ZFPM2: variants seen among roughly 807,000 people sequenced by gnomAD.
ZFPM2 encodes the protein zinc finger protein, FOG family member 2.
ZFPM2 carries 20 observed loss-of-function variants against 98.6 expected under a neutral mutation model. The ratio of observed to expected loss-of-function variants is 0.20; its 90% CI spans 0.14 to 0.29. The LOEUF (loss-of-function observed/expected upper bound fraction) is 0.29, where lower values mean the gene tolerates loss of function less well. Among genes scored for constraint, ZFPM2 ranks in the 10% least tolerant of loss-of-function variants. The pLI is 1.00. For synonymous variants in ZFPM2, 518 were observed against 502.7 expected (o/e 1.03, Z -0.41); for missense variants, 1,310 against 1,388.6 (o/e 0.94, Z 0.90).
At chr8:105,436,870 G>GTTTA (rs1265650519) in intron 2 of ZFPM2, among the ~76,000 whole-genome samples, 1 of 152,164 alleles carries the variant, frequency 6.6e-6, no homozygotes, top group African/African-American at 2.4e-5. Flanking sequence ...TGATAGCCAT[G>GTTTA]TTTAGATTTA....
chr8:105,498,017 C>CCGT (rs1276215634), intron 3 of ZFPM2, among the ~76,000 whole-genome samples: 2 of 147,368 alleles, frequency 1.4e-5, no homozygotes, highest in Non-Finnish European at 3.0e-5. Context: ...GAGGCCCTCC[C>CCGT]CGTCTCTACC....
intron 4 of ZFPM2, among the ~76,000 whole-genome samples, chr8:105,596,891 A>G (rs1021927627): frequency 6.6e-6 from 1 of 151,746 alleles, no homozygotes. Flanking sequence ...CACCCAGGAA[A>G]GAAACAGACA....
intron 2 of ZFPM2, among the ~76,000 whole-genome samples, chr8:105,439,511 T>G (rs766773259): frequency 6.6e-6 from 1 of 152,208 alleles, no homozygotes; most frequent in Non-Finnish European, 1.5e-5. Context: ...TACATAAAAC[T>G]GCTTCAATCT....
intron 2 of ZFPM2, among the ~76,000 whole-genome samples, chr8:105,436,570 A>C (rs1427628591): frequency 1.3e-5 from 2 of 152,160 alleles, no homozygotes; most frequent in Admixed American, 1.3e-4. Context: ...TAAACATGAT[A>C]AGGATAAAGC....
intron 1 of ZFPM2, among the ~76,000 whole-genome samples, chr8:105,361,918 G>A (rs1452814862): frequency 6.6e-6 from 1 of 151,846 alleles, no homozygotes; most frequent in Non-Finnish European, 1.5e-5. Context: ...ATAACATGCC[G>A]TACAGGTTTT....
At chr8:105,630,899 A>G (rs1191700198) in intron 4 of ZFPM2, among the ~76,000 whole-genome samples, 1 of 152,130 alleles carries the variant, frequency 6.6e-6, no homozygotes, top group African/African-American at 2.4e-5. Context: ...AAATTGCCCA[A>G]GACTTTTCAA....
At chr8:105,392,786 A>G (rs933196912) in intron 1 of ZFPM2, among the ~76,000 whole-genome samples, 13 of 152,224 alleles carry the variant, frequency 8.5e-5, no homozygotes, top group Admixed American at 8.5e-4. Context: ...CAAACAAGCA[A>G]ATTGCTTCAC....
rs570483726 is a variant in ZFPM2 at position 105,323,541 on chromosome 8, A to C, written c.40+4560A>C. The stretch of plus-strand genomic sequence containing the variant: ...TTGTTTTAGCAATAAAACAGATAGA[A>C]TAGTACCTATTGCTTGTAAGATAGC... On this transcript the variant is annotated intron_variant, in intron 1 of 7. Coordinates refer to ENST00000407775, the MANE Select transcript of ZFPM2 (RefSeq NM_012082.4). Among the ~76,000 whole-genome samples the C allele has an allele frequency of 2.6e-5, 4 of 152,104 alleles. No individual in the cohort carries two copies. In the South Asian group the frequency reaches 8.3e-4, roughly 32 times the overall value.
chr8:105,387,974 T>G (rs145132882), intron 1 of ZFPM2: 1 of 152,258 alleles, frequency 6.6e-6, no homozygotes, highest in Non-Finnish European at 1.5e-5. Flanking sequence ...CAGTAAGAAA[T>G]TCCCATAAAA....
At chr8:105,756,093 G>C (rs1292408754) in intron 5 of ZFPM2, among the ~76,000 whole-genome samples, 1 of 152,102 alleles carries the variant, frequency 6.6e-6, no homozygotes, top group African/African-American at 2.4e-5. Flanking sequence ...CTGCTGTTGT[G>C]GCTTTTACTC....
At chr8:105,388,376 G>A (rs189401244) in intron 1 of ZFPM2, among the ~76,000 whole-genome samples, 47 of 152,268 alleles carry the variant, frequency 3.1e-4, no homozygotes, top group African/African-American at 1.1e-3. Flanking sequence ...GGGAAAAAGA[G>A]GGAGAACACA....
chr8:105,432,513 A>G (rs1220528127), intron 2 of ZFPM2, among the ~76,000 whole-genome samples: 1 of 152,234 alleles, frequency 6.6e-6, no homozygotes, highest in Non-Finnish European at 1.5e-5. Flanking sequence ...ATTGCTTACA[A>G]ATAATATTCT....
At chr8:105,784,306 A>T (rs1355050705) in intron 5 of ZFPM2, among the ~76,000 whole-genome samples, 3 of 128,428 alleles carry the variant, frequency 2.3e-5, no homozygotes, top group African/African-American at 1.5e-4. Flanking sequence ...GATTGCTAGA[A>T]ACTATGTCTG....
intron 3 of ZFPM2, among the ~76,000 whole-genome samples, chr8:105,470,810 A>G (rs1812888653): frequency 6.6e-6 from 1 of 151,970 alleles, no homozygotes; most frequent in Non-Finnish European, 1.5e-5. Context: ...TTTTTATTGT[A>G]TCTTTCATTG....
Position 105,338,945 on chromosome 8 carries a change from T to C in ZFPM2, c.40+19964T>C, listed in dbSNP as rs911774955. On this transcript the variant is annotated intron_variant, in intron 1 of 7. Transcript: ENST00000407775. ...CCTTAATTGATGAAGAGTAAATAAGTAGGACACTGTTAACTAGACCAGCAG... is the reference window on the plus strand; with the variant it reads ...CCTTAATTGATGAAGAGTAAATAAGCAGGACACTGTTAACTAGACCAGCAG... Among the ~76,000 whole-genome samples, 11 of 151,898 alleles carry C rather than the reference T, an allele frequency of 7.2e-5. No homozygotes were observed. The East Asian group carries it at 1.9e-3, about 27-fold the overall frequency.
intron 5 of ZFPM2, among the ~76,000 whole-genome samples, chr8:105,702,081 C>G (rs1811153311): frequency 6.6e-6 from 1 of 152,156 alleles, no homozygotes; most frequent in Admixed American, 6.5e-5. Flanking sequence ...ATGAATAAAT[C>G]CATCTTACAA....
chr8:105,699,842 ATTAT>A (rs1234132401), intron 5 of ZFPM2, among the ~76,000 whole-genome samples: 1 of 152,178 alleles, frequency 6.6e-6, no homozygotes, highest in Non-Finnish European at 1.5e-5. Context: ...TTCAACGAAT[ATTAT>A]TTATTGTTGT....
chr8:105,407,107 A>AT (rs1811476209), intron 1 of ZFPM2, among the ~76,000 whole-genome samples: 5 of 130,842 alleles, frequency 3.8e-5, no homozygotes, highest in African/African-American at 1.6e-4. Flanking sequence ...TAAATGCTCT[A>AT]ATTTTTTTTT....
At chr8:105,405,449 T>G (rs1302865071) in intron 1 of ZFPM2, among the ~76,000 whole-genome samples, 1 of 105,942 alleles carries the variant, frequency 9.4e-6, no homozygotes, top group Non-Finnish European at 1.8e-5. Context: ...CCCACAACAG[T>G]CCCTGGTGTG....
Sources: gnomAD v4.1 joint callset for allele counts (sites outside exome capture counted in the v4.1 genomes callset) on GRCh38, gnomAD v4.1.1 for gene constraint, MANE v1.5 for transcripts, NCBI Gene and HGNC (gene_info 2026-07-23, HGNC 2026-07-21) for gene names.